ARHGAP11B: variants seen among roughly 807,000 people sequenced by gnomAD.
The protein encoded by ARHGAP11B is inactive Rho GTPase-activating protein 11B.
Under a neutral mutation model 27.6 loss-of-function variants are expected in ARHGAP11B, and 14 were observed. The ratio of observed to expected loss-of-function variants is 0.51; its 90% CI spans 0.34 to 0.79. The LOEUF is 0.79. Among genes scored for constraint, ARHGAP11B ranks in the 30% least tolerant of loss-of-function variants. The probability of loss-of-function intolerance (pLI) is 0.02; values close to 1 mark genes in which losing one functional copy is unlikely to be tolerated. For missense variants in ARHGAP11B, 245 were observed against 320.1 expected (o/e 0.77, Z 1.79); for synonymous variants, 82 against 114.1 (o/e 0.72, Z 1.80).
intron 7 of ARHGAP11B, among the ~76,000 whole-genome samples, chr15:30,642,516 G>A (rs2060321711): frequency 6.6e-6 from 1 of 152,004 alleles, no homozygotes; most frequent in African/African-American, 2.4e-5. Context: ...TTGGCCAGCA[G>A]GTATATCTCA....
In ARHGAP11B at chr15:30,646,029, TGTC is replaced by T. The variant is rs549315628; in HGVS notation, c.*143-82_*143-80del. The T allele has an allele frequency of 1.4e-4, 34 of 245,466 alleles. 1 individual carries two copies. In the South Asian group the frequency reaches 3.5e-3, roughly 26 times the overall value. 15.2% of individuals were successfully genotyped at this position (245,466 alleles called of 1,614,324 possible). A position where few individuals can be genotyped will look rare whatever the true frequency, so the allele number is the denominator to read the frequency against. ...ATGTTTTCTTTATCCTCATCTTAGT[TGTC>T]GTAATTCTGTGTTTCTCATGTAATG... On this transcript the variant is annotated intron_variant, in intron 8 of 10. Coordinates refer to ENST00000428041, the Ensembl canonical transcript of ARHGAP11B.
exon 1 of ARHGAP11B, chr15:30,626,671 T>G: frequency 1.8e-6 from 2 of 1,111,954 alleles, no homozygotes; most frequent in Non-Finnish European, 2.5e-6. Context: ...GCCGTGGAAG[T>G]GGCCGGGGGT....
At chr15:30,633,718 AT>A (rs200626599) in intron 3 of ARHGAP11B, 132 bp downstream of exon 3, 1,149 of 632,526 alleles carry the variant, frequency 1.8e-3, no homozygotes, top group East Asian at 7.9e-3. Flanking sequence ...ATGGCAGAAG[AT>A]TTTTTTTTTT....
In ARHGAP11B at chr15:30,631,817, G is replaced by A. The variant is rs566298651; in HGVS notation, c.200+1044G>A. 3.1e-4 allele frequency among the ~76,000 whole-genome samples: 40 copies of A among 129,804 alleles called. 1 individual carries two copies. Among genetic ancestry groups the A allele is most frequent in the Non-Finnish European group, 5.2e-4 (33 of 63,422 alleles). 85.2% of individuals were successfully genotyped at this position (129,804 alleles called of 152,430 possible). ...TTTTTTTTTTTTGAGACAGAGTTTC[G>A]CTCTTGTCGCCCAGGCTGGAGTGCA... On this transcript the variant is annotated intron_variant, in intron 2 of 10. Coordinates refer to ENST00000428041, the Ensembl canonical transcript of ARHGAP11B.
At chr15:30,638,455 A>G (rs1016858510) in intron 6 of ARHGAP11B, among the ~76,000 whole-genome samples, 9 of 151,640 alleles carry the variant, frequency 5.9e-5, no homozygotes, top group Non-Finnish European at 1.2e-4. Flanking sequence ...TTGCCTTAAC[A>G]TGTAATGATT....
exon 7 of ARHGAP11B, chr15:30,638,803 C>T (rs2060297447): frequency 1.4e-6 from 2 of 1,449,326 alleles, no homozygotes; most frequent in African/African-American, 1.5e-5. Flanking sequence ...TCTATTACAC[C>T]TCAACAAGAA....
Position 30,626,191 on chromosome 15 carries a change from G to A in ARHGAP11B, c.-630G>A, listed in dbSNP as rs973735032. The A allele has an allele frequency of 2.6e-5, 4 of 153,050 alleles. No individual in the cohort carries two copies. Among genetic ancestry groups the A allele is most frequent in the African/African-American group, 9.7e-5 (4 of 41,448 alleles). The allele number at this position is 153,050 out of a possible 1,614,324, so 9.5% of individuals were successfully genotyped here. A position where few individuals can be genotyped will look rare whatever the true frequency, so the allele number is the denominator to read the frequency against. ...GCATGAGGCTAACGGCTTGGCTTCA[G>A]TGAACGCACCGGGATGTGCAGGCCG... is the stretch of plus-strand genomic sequence containing the variant. On this transcript the variant is annotated 5_prime_UTR_variant, in exon 1 of 11. In the 5' UTR this introduces an upstream ATG that the reference lacks. Transcript: ENST00000428041.
chr15:30,631,230 G>A (rs1234290300), intron 2 of ARHGAP11B, among the ~76,000 whole-genome samples: 1 of 151,432 alleles, frequency 6.6e-6, no homozygotes, highest in Non-Finnish European at 1.5e-5. Context: ...CCAGTAATGA[G>A]TAAATGTTAG....
intron 2 of ARHGAP11B, 44 bp downstream of exon 2, chr15:30,630,817 T>C (rs748790217): frequency 6.2e-7 from 1 of 1,606,538 alleles, no homozygotes; most frequent in Non-Finnish European, 8.5e-7. Flanking sequence ...CAGTGGCATA[T>C]GCCTGTAACC....
At chr15:30,629,694 T>C (rs1415821204) in intron 1 of ARHGAP11B, among the ~76,000 whole-genome samples, 2 of 152,156 alleles carry the variant, frequency 1.3e-5, no homozygotes, top group Non-Finnish European at 2.9e-5. Flanking sequence ...ATTTTGTTAC[T>C]GTGTTGCGTC....
chr15:30,646,292 G>A lies in ARHGAP11B; in HGVS notation c.*321G>A, dbSNP rs557538768. On this transcript the variant is annotated 3_prime_UTR_variant, in exon 9 of 11. Transcript: ENST00000428041. The stretch of plus-strand genomic sequence containing the variant: ...TGGCCACCAGGCTTCTCCTTTCCCC[G>A]CTGGTAGGCCTCTGTGACATGACTT... 4.3e-5 allele frequency: 40 copies of A among 929,926 alleles called. No homozygotes were observed. The East Asian group carries it at 1.3e-3, about 30-fold the overall frequency. 57.6% of individuals were successfully genotyped at this position (929,926 alleles called of 1,614,324 possible).
At chr15:30,643,424 G>T (rs1314579677) in intron 7 of ARHGAP11B, among the ~76,000 whole-genome samples, 1 of 151,768 alleles carries the variant, frequency 6.6e-6, no homozygotes, top group Non-Finnish European at 1.5e-5. Flanking sequence ...GATTACAGGG[G>T]CCTGCCACTG....
rs575100972 is a variant in ARHGAP11B at position 30,628,515 on chromosome 15, C to A, written c.129+1566C>A. On this transcript the variant is annotated intron_variant, in intron 1 of 10. Transcript: ENST00000428041. Reference sequence around the variant, plus strand: ...ATTTCCCTAAGCTTCAGTTTTATATCTATAAAGTGGGAACGTATTTCTCCT... The same window carrying A: ...ATTTCCCTAAGCTTCAGTTTTATATATATAAAGTGGGAACGTATTTCTCCT... Among the ~76,000 whole-genome samples, 575 of 152,116 alleles carry A rather than the reference C, an allele frequency of 3.8e-3. 3 individuals carry two copies. Among genetic ancestry groups the A allele is most frequent in the African/African-American group, 0.013 (547 of 41,502 alleles).
At position 30,647,447 on chromosome 15, in the gene ARHGAP11B, A is replaced by G. The variant is rs147303643; in HGVS notation, c.*325-221A>G. Reference sequence around the variant, plus strand: ...TCAGGTAAGGGCAGTCATTTAGAGAATATAAAGTGGTAGGAGAAACTAAAA... The same window carrying G: ...TCAGGTAAGGGCAGTCATTTAGAGAGTATAAAGTGGTAGGAGAAACTAAAA... On this transcript the variant is annotated intron_variant, in intron 9 of 10. Coordinates refer to ENST00000428041, the Ensembl canonical transcript of ARHGAP11B. Among the ~76,000 whole-genome samples, 305 of 152,032 alleles carry G rather than the reference A, an allele frequency of 2.0e-3. 3 individuals carry two copies. Among genetic ancestry groups the G allele is most frequent in the African/African-American group, 7.0e-3 (291 of 41,500 alleles).
rs371550239 is a variant in ARHGAP11B, at chr15:30,639,971, A to AGAGTGT, written c.*78+1152_*78+1153insAGTGTG. Among the ~76,000 whole-genome samples the AGAGTGT allele has an allele frequency of 6.3e-5, 9 of 143,288 alleles. 1 individual carries two copies. In the South Asian group the frequency reaches 1.6e-3, roughly 26 times the overall value. The allele number at this position is 143,288 out of a possible 152,430, so 94.0% of individuals were successfully genotyped here. A position where few individuals can be genotyped will look rare whatever the true frequency, so the allele number is the denominator to read the frequency against. ...TAAAATAGACAGTGTTTCAATATAG[A>AGAGTGT]GTGTGTGTGTGTGTGTGTGTGTGTG... On this transcript the variant is annotated intron_variant, in intron 7 of 10. Transcript: ENST00000428041.
chr15:30,630,748 G>A, exon 2 of ARHGAP11B: 2 of 1,611,380 alleles, frequency 1.2e-6, no homozygotes, highest in Non-Finnish European at 1.7e-6. Context: ...CCATTCTGCT[G>A]TACCAGAATA....
At chr15:30,638,553 G>A (rs2060295757) in intron 6 of ARHGAP11B, among the ~76,000 whole-genome samples, 193 bp from the exon 7 acceptor site, 1 of 151,866 alleles carries the variant, frequency 6.6e-6, no homozygotes, top group East Asian at 1.9e-4. Flanking sequence ...GGATATGGAA[G>A]TATAAGTGGG....
chr15:30,629,199 G>A (rs1055371924), intron 1 of ARHGAP11B, among the ~76,000 whole-genome samples: 3 of 152,030 alleles, frequency 2.0e-5, no homozygotes, highest in Admixed American at 6.6e-5. Flanking sequence ...GGAACAGAAT[G>A]TTAATTTGAT....
chr15:30,642,650 G>A (rs1011628253), intron 7 of ARHGAP11B, among the ~76,000 whole-genome samples: 2 of 151,792 alleles, frequency 1.3e-5, no homozygotes, highest in African/African-American at 2.4e-5. Flanking sequence ...ATAGAAGTCC[G>A]TTTTCAGAGC....
Sources: allele counts gnomAD v4.1 joint callset (sites outside exome capture counted in the v4.1 genomes callset), GRCh38; gene constraint gnomAD v4.1.1; transcripts MANE v1.5; gene names NCBI Gene and HGNC (gene_info 2026-07-23, HGNC 2026-07-21).